The following NEBL variants were observed in gnomAD, a reference collection of about 807,000 sequenced individuals.
NEBL encodes LIM and SH3 protein 2.
A neutral mutation model predicts 140.2 loss-of-function variants in NEBL; 122 were observed. The ratio of observed to expected loss-of-function variants is 0.87; its 90% confidence interval spans 0.75 to 1.01. NEBL has a LOEUF of 1.01. Ranked by LOEUF, NEBL falls within the 50% of genes least tolerant of loss-of-function variation. NEBL has a pLI of 0.00. For missense variants in NEBL, 1,365 were observed against 1,231.3 expected (o/e 1.11, Z -1.62); for synonymous variants, 436 against 398.9 (o/e 1.09, Z -1.11).
chr10:21,028,310 CTG>C (rs1833623405), intron 2 of NEBL, among the ~76,000 whole-genome samples: 1 of 135,680 alleles, frequency 7.4e-6, no homozygotes, highest in Non-Finnish European at 1.6e-5. Context: ...TAAGCAGACT[CTG>C]AGAGAGAGTA....
chr10:21,122,461 C>G (rs186108983), intron 2 of NEBL, among the ~76,000 whole-genome samples: 1 of 152,286 alleles, frequency 6.6e-6, no homozygotes, highest in Admixed American at 6.5e-5. Context: ...TCCATACTTG[C>G]TTTGCATATT....
chr10:20,946,780 G>C (rs1294594069), intron 4 of NEBL, among the ~76,000 whole-genome samples: 1 of 152,178 alleles, frequency 6.6e-6, no homozygotes, highest in African/African-American at 2.4e-5. Context: ...TCTAAAAGTG[G>C]GGTAGAGTCT....
intron 3 of NEBL, among the ~76,000 whole-genome samples, chr10:20,993,081 C>T (rs2046342544): frequency 1.3e-5 from 2 of 151,904 alleles, no homozygotes; most frequent in Admixed American, 6.6e-5. Flanking sequence ...CCGCGCCTGG[C>T]CTGCAACTAC....
intron 4 of NEBL, among the ~76,000 whole-genome samples, chr10:20,938,385 G>C (rs530059229): frequency 6.6e-6 from 1 of 152,204 alleles, no homozygotes; most frequent in East Asian, 1.9e-4. Flanking sequence ...GGTCCTGACT[G>C]TTAGAAGGAA....
chr10:21,146,530 A>C (rs769908595), intron 2 of NEBL: 3 of 1,576,524 alleles, frequency 1.9e-6, no homozygotes, highest in Non-Finnish European at 2.6e-6. Context: ...ATTATCAGAA[A>C]ATGGTGAAAA....
Position 20,819,477 on chromosome 10 carries a change from T to G in NEBL, c.2002A>C (p.Ser668Arg). The change falls in exon 20 of 28, where the codon AGC (serine) becomes CGC (arginine). Residue 668 changes from serine to arginine, a missense_variant. By Grantham distance (110) the Ser-to-Arg change is moderately radical. Transcript: ENST00000377122. ...ACTCTCTCTATCTCCGGGGTCATGC[T>G]TACCGGAGTGGCCTTGTAGTTTTGC... ...KEQNYKATPV[S>R]MTPEIERVRR... is the part of the protein sequence containing the mutation. The G allele has an allele frequency of 6.2e-7, 1 of 1,614,064 alleles. No individual in the cohort carries two copies. The highest frequency in any genetic ancestry group is 8.5e-7 in the Non-Finnish European group (1 of 1,179,934).
At chr10:20,832,978 A>C (rs974470438) in intron 14 of NEBL, among the ~76,000 whole-genome samples, 2 of 152,230 alleles carry the variant, frequency 1.3e-5, no homozygotes, top group Non-Finnish European at 2.9e-5. Context: ...TTTCATTTGA[A>C]GGCCAACAAA....
At chr10:20,824,797 C>T (rs1839676084) in intron 18 of NEBL, among the ~76,000 whole-genome samples, 1 of 152,114 alleles carries the variant, frequency 6.6e-6, no homozygotes, top group African/African-American at 2.4e-5. Context: ...TTCAAAGGGA[C>T]TCTAATCAAA....
intron 26 of NEBL, among the ~76,000 whole-genome samples, chr10:20,797,695 C>T (rs567554682): frequency 6.6e-6 from 1 of 152,174 alleles, no homozygotes; most frequent in South Asian, 2.1e-4. Flanking sequence ...AGGTTGACTG[C>T]ACACAATCGT....
intron 1 of NEBL, among the ~76,000 whole-genome samples, chr10:21,264,055 T>C (rs772375377): frequency 5.3e-5 from 8 of 152,180 alleles, no homozygotes; most frequent in Non-Finnish European, 8.8e-5. Flanking sequence ...AAAATGGAGC[T>C]AGTCATGCTA....
At chr10:21,030,521 AGT>A in intron 2 of NEBL, 1 of 805,774 alleles carries the variant, frequency 1.2e-6, no homozygotes, top group Non-Finnish European at 2.1e-6. Flanking sequence ...TGCTTGGTGA[AGT>A]GAGGTTCTAA....
At position 20,780,092 on chromosome 10, in the gene NEBL, C is replaced by G. The variant is rs1834929528; in HGVS notation, c.*5655G>C. 1 of 152,122 alleles carries G rather than the reference C, an allele frequency of 6.6e-6. No individual in the cohort carries two copies. The highest frequency in any genetic ancestry group is 1.5e-5 in the Non-Finnish European group (1 of 68,034). The allele number at this position is 152,122 out of a possible 1,614,324, so 9.4% of individuals were successfully genotyped here. A position where few individuals can be genotyped will look rare whatever the true frequency, so the allele number is the denominator to read the frequency against. On this transcript the variant is annotated 3_prime_UTR_variant, in exon 28 of 28. Coordinates refer to ENST00000377122, the MANE Select transcript of NEBL (RefSeq NM_006393.3). ...AAAATAATACAATAAGACTAGCATCCAAATCGCATAGATTTATATGAGTGT... is the reference window on the plus strand; with the variant it reads ...AAAATAATACAATAAGACTAGCATCGAAATCGCATAGATTTATATGAGTGT...
intron 2 of NEBL, among the ~76,000 whole-genome samples, chr10:20,896,391 C>T (rs567280207): frequency 6.7e-6 from 1 of 149,416 alleles, no homozygotes; most frequent in Admixed American, 6.8e-5. Context: ...AACAAAAATA[C>T]CCCTTGCACT....
chr10:21,100,871 A>G (rs1837445950), intron 2 of NEBL, among the ~76,000 whole-genome samples: 1 of 152,252 alleles, frequency 6.6e-6, no homozygotes. Context: ...TATCCATTAG[A>G]TGATGATAAC....
rs202130632 is a variant in NEBL at position 20,880,839 on chromosome 10, G to A, written c.435C>T (p.Pro145=). The change falls in exon 5 of 28, where the codon CCC becomes CCT. Residue 145 remains proline, a synonymous_variant. Coordinates refer to ENST00000377122, the MANE Select transcript of NEBL (RefSeq NM_006393.3). ...GFSDYAHMKE[P]PEVKHAMEVN... is the part of the protein sequence containing the mutation. ...CCTCCATGGCATGTTTAACCTCAGG[G>A]GGCTCCTTCATGTGGGCATAATCTG... 1.1e-4 allele frequency: 183 copies of A among 1,613,984 alleles called. No homozygotes were observed. The highest frequency in any genetic ancestry group is 1.5e-4 in the Non-Finnish European group (176 of 1,179,988).
chr10:20,910,058 G>T (rs1848267408), intron 4 of NEBL, among the ~76,000 whole-genome samples: 1 of 152,054 alleles, frequency 6.6e-6, no homozygotes, highest in African/African-American at 2.4e-5. Flanking sequence ...AGATTCTCAG[G>T]GTAGGACTCT....
At chr10:20,866,978 A>G (rs930559026) in intron 7 of NEBL, among the ~76,000 whole-genome samples, 2 of 152,102 alleles carry the variant, frequency 1.3e-5, no homozygotes, top group Admixed American at 6.6e-5. Context: ...CCTTTTCAAG[A>G]ATGTTTATAT....
chr10:21,041,198 T>A (rs1034417364), intron 2 of NEBL, among the ~76,000 whole-genome samples: 3 of 152,180 alleles, frequency 2.0e-5, no homozygotes, highest in Admixed American at 6.5e-5. Context: ...CAGTCCTCAC[T>A]CTCCTCCCAC....
chr10:20,860,075 T>C (rs951522365), intron 7 of NEBL, among the ~76,000 whole-genome samples: 1 of 152,160 alleles, frequency 6.6e-6, no homozygotes, highest in Non-Finnish European at 1.5e-5. Flanking sequence ...AATTATGCAC[T>C]AAAATACCAA....
Sources: allele counts gnomAD v4.1 joint callset (sites outside exome capture counted in the v4.1 genomes callset), GRCh38; gene constraint gnomAD v4.1.1; transcripts MANE v1.5; gene names NCBI Gene and HGNC (gene_info 2026-07-23, HGNC 2026-07-21).